Variants in STARD9 observed in about 807,000 individuals in gnomAD.
The protein encoded by STARD9 is stAR-related lipid transfer protein 9.
In STARD9, 346 loss-of-function variants were observed where a neutral mutation model predicts 399.8. The observed-to-expected ratio is 0.87, with a 90% CI of 0.79 to 0.95. The LOEUF (loss-of-function observed/expected upper bound fraction) is 0.95, where lower values mean the gene tolerates loss of function less well. STARD9 is among the 40% of genes least tolerant of loss of function. The pLI is 0.00. For missense variants in STARD9, 5,832 were observed against 5,667.5 expected (o/e 1.03, Z -0.93); for synonymous variants, 2,203 against 2,143.5 (o/e 1.03, Z -0.77).
intron 26 of STARD9, 125 bp from the exon 27 acceptor site, chr15:42,716,552 T>G: frequency 1.5e-6 from 1 of 651,012 alleles, no homozygotes; most frequent in Non-Finnish European, 2.7e-6. Flanking sequence ...CCTCTTGTAT[T>G]CCCATCTGGG....
At chr15:42,588,796 TTTTTTTTTTTTTTTTTTTTGGAGTGGG>T (rs2058335720) in intron 3 of STARD9, among the ~76,000 whole-genome samples, 7 of 40,708 alleles carry the variant, frequency 1.7e-4, no homozygotes, top group Non-Finnish European at 3.4e-4. Flanking sequence ...TTTTTTTTTT[TTTTTTTTTTTTTTTTTTTTGGAGTGGG>T]GGGTGGGGGT....
intron 9 of STARD9, among the ~76,000 whole-genome samples, chr15:42,657,957 G>A (rs1221075174): frequency 6.6e-6 from 1 of 152,232 alleles, no homozygotes; most frequent in South Asian, 2.1e-4. Flanking sequence ...GCACTTTATC[G>A]AAAAGTTAAC....
chr15:42,690,095 G>T lies in STARD9; in HGVS notation c.8517G>T (p.Glu2839Asp), dbSNP rs1243443476. 6.5e-7 allele frequency: 1 copy of T among 1,537,692 alleles called. No homozygotes were observed. ...AGCAAGACCATGTCCAATGCCCTGA[G>T]GCTTCTACTGGCTTTGAAGAAGGTA... ...GPKQDHVQCP[E>D]ASTGFEEGRA... The change falls in exon 23 of 33, where the codon GAG (glutamate) becomes GAT (aspartate). Residue 2839 changes from glutamate to aspartate, a missense_variant. Physicochemically the swap from Glu to Asp is conservative, Grantham distance 45 (BLOSUM62 2). Coordinates refer to ENST00000290607, the MANE Select transcript of STARD9 (RefSeq NM_020759.3).
Position 42,684,419 on chromosome 15 carries a change from G to A in STARD9, c.2841G>A (p.Gln947=). The A allele has an allele frequency of 6.5e-7, 1 of 1,537,202 alleles. No homozygotes were observed. Among genetic ancestry groups the A allele is most frequent in the African/African-American group, 1.4e-5 (1 of 73,186 alleles). ...GVKQPHQMVS[Q]GLASLRKSAN... is the part of the protein sequence containing the mutation. ...AGCAGCCCCATCAGATGGTGAGCCA[G>A]GGCTTAGCATCTCTGAGGAAATCAG... Residue 947 remains glutamine, a synonymous_variant, in exon 23 of 33, where the codon CAG becomes CAA. Transcript: ENST00000290607.
At chr15:42,583,513 T>G (rs1203325420) in intron 2 of STARD9, 98 bp downstream of exon 2, 4 of 859,186 alleles carry the variant, frequency 4.7e-6, no homozygotes, top group Admixed American at 2.3e-5. Context: ...GTGTTTAGAG[T>G]TGGGGAGGAA....
rs754539655 is a variant in STARD9 at position 42,694,073 on chromosome 15, C to T, written c.12495C>T (p.Ala4165=). The T allele has an allele frequency of 3.4e-5, 53 of 1,536,806 alleles. No homozygotes were observed. Among genetic ancestry groups the T allele is most frequent in the Non-Finnish European group, 4.2e-5 (48 of 1,146,834 alleles). ...GLDMTEEELG[A]SGDLSSEKQE... ...ACATGACTGAGGAGGAGCTGGGGGCCAGCGGTGATCTCAGCTCTGAAAAGC... is the reference window on the plus strand; with the variant it reads ...ACATGACTGAGGAGGAGCTGGGGGCTAGCGGTGATCTCAGCTCTGAAAAGC... The change falls in exon 23 of 33, where the codon GCC becomes GCT. Residue 4165 remains alanine (A), a synonymous_variant. Transcript: ENST00000290607.
chr15:42,597,987 T>TG, intron 3 of STARD9, among the ~76,000 whole-genome samples: 1 of 140,324 alleles, frequency 7.1e-6, no homozygotes, highest in East Asian at 2.1e-4. Context: ...TGTGTGTGTG[T>TG]TTGTATATAT....
chr15:42,647,729 A>G (rs932529246), intron 7 of STARD9, among the ~76,000 whole-genome samples: 4 of 152,080 alleles, frequency 2.6e-5, no homozygotes, highest in Non-Finnish European at 1.5e-5. Flanking sequence ...CTTGTATTTA[A>G]TGTAATCACT....
chr15:42,605,065 A>G (rs751662687), intron 3 of STARD9, among the ~76,000 whole-genome samples: 20 of 152,186 alleles, frequency 1.3e-4, no homozygotes, highest in South Asian at 2.1e-4. Flanking sequence ...TGAGTTTCCA[A>G]AAAGATCAAA....
At position 42,689,069 on chromosome 15, in the gene STARD9, T is replaced by C. The variant is rs756492723; in HGVS notation, c.7491T>C (p.Asp2497=). 1.1e-5 allele frequency: 17 copies of C among 1,537,186 alleles called. 1 individual carries two copies. The South Asian group carries it at 1.4e-4, about 13-fold the overall frequency. The part of the protein sequence containing the change: ...EKRVSFSLEE[D]SDQASKPRQK... Reference sequence around the variant, plus strand: ...GGGTCAGCTTCTCCTTGGAAGAGGATAGTGACCAAGCCAGCAAGCCAAGGC... The same window carrying C: ...GGGTCAGCTTCTCCTTGGAAGAGGACAGTGACCAAGCCAGCAAGCCAAGGC... The change falls in exon 23 of 33, where the codon GAT becomes GAC. Residue 2497 remains aspartate (D), a synonymous_variant. Transcript: ENST00000290607.
In STARD9 at chr15:42,715,323, A is replaced by C. The variant is rs533898240; in HGVS notation, c.13285-1354A>C. ...AGTCAGTGAGAAGTGGGAGATGGCAAACAGCGAGACTGGTTGCAAGAAGCT... is the reference window on the plus strand; with the variant it reads ...AGTCAGTGAGAAGTGGGAGATGGCACACAGCGAGACTGGTTGCAAGAAGCT... On this transcript the variant is annotated intron_variant, in intron 26 of 32. Coordinates refer to ENST00000290607, the MANE Select transcript of STARD9 (RefSeq NM_020759.3). Among the ~76,000 whole-genome samples the C allele has an allele frequency of 4.6e-5, 7 of 152,284 alleles. No individual in the cohort carries two copies. The East Asian group carries it at 1.4e-3, about 29-fold the overall frequency.
rs571738986 is a variant in STARD9 at position 42,640,959 on chromosome 15, AC to A, written c.559+2148del. ...AGTTAAGGGTTGTTCCCAAAGTCACACAGTTAGAGTTGGGACAGAATTGAAA... is the reference window on the plus strand; with the variant it reads ...AGTTAAGGGTTGTTCCCAAAGTCACAAGTTAGAGTTGGGACAGAATTGAAA... On this transcript the variant is annotated intron_variant, in intron 7 of 32. Coordinates refer to ENST00000290607, the MANE Select transcript of STARD9 (RefSeq NM_020759.3). Among the ~76,000 whole-genome samples, 440 of 152,290 alleles carry A rather than the reference AC, an allele frequency of 2.9e-3. 3 individuals are homozygous for A. Among genetic ancestry groups the A allele is most frequent in the African/African-American group, 0.01 (428 of 41,554 alleles).
chr15:42,695,470 A>G lies in STARD9; in HGVS notation c.13146+147A>G, dbSNP rs1024616662. 5.7e-5 allele frequency: 49 copies of G among 864,466 alleles called. No homozygotes were observed. The East Asian group carries it at 8.8e-4, about 16-fold the overall frequency. The allele number at this position is 864,466 out of a possible 1,614,324, so 53.5% of individuals were successfully genotyped here. A position where few individuals can be genotyped will look rare whatever the true frequency, so the allele number is the denominator to read the frequency against. ...CTGTTGTCAACTCAAAGCTGGGCTC[A>G]CTGTCTTTTTACATCATCACACCAG... is the stretch of plus-strand genomic sequence containing the variant. On this transcript the variant is annotated intron_variant, in intron 25 of 32. Transcript: ENST00000290607.
chr15:42,706,803 T>A (rs1360183638), intron 26 of STARD9, among the ~76,000 whole-genome samples: 1 of 152,192 alleles, frequency 6.6e-6, no homozygotes, highest in Non-Finnish European at 1.5e-5. Flanking sequence ...TAAGGAAATA[T>A]CCAACTATTC....
At chr15:42,660,181 G>A (rs1160364977) in intron 9 of STARD9, among the ~76,000 whole-genome samples, 1 of 152,178 alleles carries the variant, frequency 6.6e-6, no homozygotes, top group Non-Finnish European at 1.5e-5. Flanking sequence ...GCTTCAAGCT[G>A]GGGATGGGAA....
intron 26 of STARD9, among the ~76,000 whole-genome samples, chr15:42,704,224 T>C (rs1480867696): frequency 6.6e-6 from 1 of 152,198 alleles, no homozygotes; most frequent in African/African-American, 2.4e-5. Context: ...ATTATTTTAA[T>C]CTCTTTGTAA....
chr15:42,718,981 G>A lies in STARD9; in HGVS notation c.14001+71G>A, dbSNP rs183904150. ...TCCCACAGCCCCCTGGGATTTTTCT[G>A]TCTCGCTTTTGAACACCCTCCAGTG... On this transcript the variant is annotated intron_variant, in intron 32 of 32. Coordinates refer to ENST00000290607, the MANE Select transcript of STARD9 (RefSeq NM_020759.3). 8.4e-3 allele frequency: 12,159 copies of A among 1,440,708 alleles called. 64 individuals are homozygous for A. Among genetic ancestry groups the A allele is most frequent in the Middle Eastern group, 0.012 (58 of 4,710 alleles). 89.2% of individuals were successfully genotyped at this position (1,440,708 alleles called of 1,614,324 possible). A position where few individuals can be genotyped will look rare whatever the true frequency, so the allele number is the denominator to read the frequency against.
At chr15:42,712,240 T>G (rs1266386107) in intron 26 of STARD9, among the ~76,000 whole-genome samples, 1 of 145,850 alleles carries the variant, frequency 6.9e-6, no homozygotes, top group Admixed American at 7.3e-5. Flanking sequence ...AGCAAATATA[T>G]AATTCACAGA....
In STARD9 at chr15:42,692,002, C is replaced by G. The variant is rs761084900; in HGVS notation, c.10424C>G (p.Pro3475Arg). Reference sequence around the variant, plus strand: ...AGTCCCTATGCGCTGCCGTGGCGTCCGGAGGAGCCTGCACGTATCAGCTGG... The same window carrying G: ...AGTCCCTATGCGCTGCCGTGGCGTCGGGAGGAGCCTGCACGTATCAGCTGG... Reference protein sequence around the residue: ...DISPYALPWRPEEPARISWKQ... With the variant: ...DISPYALPWRREEPARISWKQ... Residue 3475 changes from proline (P) to arginine (R), a missense_variant, in exon 23 of 33, where the codon CCG becomes CGG. Physicochemically the swap from Pro to Arg is moderately radical, Grantham distance 103. Transcript: ENST00000290607. The G allele has an allele frequency of 5.2e-6, 8 of 1,537,184 alleles. No individual in the cohort carries two copies. The highest frequency in any genetic ancestry group is 7.0e-6 in the Non-Finnish European group (8 of 1,146,880).
Sources: allele counts gnomAD v4.1 joint callset (sites outside exome capture counted in the v4.1 genomes callset), GRCh38; gene constraint gnomAD v4.1.1; transcripts MANE v1.5; gene names NCBI Gene and HGNC (gene_info 2026-07-23, HGNC 2026-07-21).